The following ROCK2 variants were observed in gnomAD, a reference collection of about 807,000 sequenced individuals.
The protein encoded by ROCK2 is rho-associated protein kinase 2.
Under a neutral mutation model 195.1 loss-of-function variants are expected in ROCK2, and 61 were observed. That is an observed-to-expected ratio of 0.31 (90% CI 0.25 to 0.39). The LOEUF (loss-of-function observed/expected upper bound fraction) is 0.39. Among genes scored for constraint, ROCK2 ranks in the 10% least tolerant of loss-of-function variants. ROCK2 has a pLI of 1.00. For missense variants in ROCK2, 1,109 were observed against 1,637.4 expected, an observed-to-expected ratio of 0.68 and a Z score of 5.57; for synonymous variants, 504 against 545.5, an observed-to-expected ratio of 0.92 and a Z score of 1.06.
At chr2:11,335,942 C>T (rs1012486039) in intron 1 of ROCK2, among the ~76,000 whole-genome samples, 2 of 152,114 alleles carry the variant, frequency 1.3e-5, no homozygotes, top group South Asian at 4.1e-4. Context: ...CTATATAAAA[C>T]TCATACTATT....
At chr2:11,317,956 T>G (rs1668277662) in intron 1 of ROCK2, among the ~76,000 whole-genome samples, 1 of 152,118 alleles carries the variant, frequency 6.6e-6, no homozygotes. Flanking sequence ...CATCCTTTCT[T>G]ATGGCTGCAT....
intron 4 of ROCK2, among the ~76,000 whole-genome samples, chr2:11,236,774 AT>A (rs1458589261): frequency 1.3e-5 from 2 of 152,360 alleles, no homozygotes; most frequent in African/African-American, 4.8e-5. Flanking sequence ...AACCAACATC[AT>A]GAAATAGAGA....
intron 4 of ROCK2, among the ~76,000 whole-genome samples, chr2:11,245,891 T>C (rs1454527487): frequency 6.6e-6 from 1 of 152,194 alleles, no homozygotes; most frequent in Non-Finnish European, 1.5e-5. Context: ...GTCACCCTTA[T>C]TTTGAAAACT....
Position 11,208,466 on chromosome 2 carries a change from A to C in ROCK2, c.2204-19T>G. On this transcript the variant is annotated intron_variant, in intron 18 of 32. Transcript: ENST00000315872. ...TCCATTTCTAGTATAATAAAAATGG[A>C]CACAATCATAAATTTACAAATAAAA... is the stretch of plus-strand genomic sequence containing the variant. 1 of 1,389,184 alleles carries C rather than the reference A, an allele frequency of 7.2e-7. No individual in the cohort carries two copies. The highest frequency in any genetic ancestry group is 9.6e-7 in the Non-Finnish European group (1 of 1,041,054). 86.1% of individuals were successfully genotyped at this position (1,389,184 alleles called of 1,614,324 possible).
rs775396875 is a variant in ROCK2 at position 11,207,537 on chromosome 2, TA to T, written c.2549+188del. On this transcript the variant is annotated intron_variant, in intron 20 of 32. Coordinates refer to ENST00000315872, the MANE Select transcript of ROCK2 (RefSeq NM_004850.5). ...TCACATTGTAATTAGGTAGCAGCAG[TA>T]AAAACTGTTGGGGAAACGAATATAA... is the stretch of plus-strand genomic sequence containing the variant. 1.3e-4 allele frequency among the ~76,000 whole-genome samples: 20 copies of T among 152,172 alleles called. No homozygotes were observed. In the East Asian group the frequency reaches 2.1e-3, roughly 16 times the overall value.
chr2:11,215,314 C>T lies in ROCK2; in HGVS notation c.1689+7G>A. On this transcript the variant is annotated splice_region_variant and intron_variant, in intron 15 of 32. Transcript: ENST00000315872. ...CAGTATCTTTACTACAAATTAGATC[C>T]ACCTACTTGTCTCTGGAGTTGATTC... is the stretch of plus-strand genomic sequence containing the variant. 1 of 1,573,610 alleles carries T rather than the reference C, an allele frequency of 6.4e-7. No individual in the cohort carries two copies. Among genetic ancestry groups the T allele is most frequent in the Non-Finnish European group, 8.6e-7 (1 of 1,159,524 alleles).
At chr2:11,214,527 A>C in intron 16 of ROCK2, 64 bp from the exon 17 acceptor site, 1 of 975,450 alleles carries the variant, frequency 1.0e-6, no homozygotes, top group Admixed American at 2.4e-5. Context: ...AATTAGGAAT[A>C]AAAAGTTTGC....
intron 7 of ROCK2, 78 bp from the exon 8 acceptor site, chr2:11,222,252 A>G: frequency 1.3e-6 from 1 of 773,382 alleles, no homozygotes. Context: ...CAGTTTAACC[A>G]AAATAAAGAT....
At position 11,274,093 on chromosome 2, in the gene ROCK2, G is replaced by A. The variant is rs540687794; in HGVS notation, c.324+12446C>T. Among the ~76,000 whole-genome samples the A allele has an allele frequency of 1.1e-3, 166 of 151,104 alleles. 2 individuals carry two copies. The highest frequency in any genetic ancestry group is 2.8e-3 in the Admixed American group (43 of 15,194). ...AAAACAACACAACAAAAAACTTAAC[G>A]GAATACAGCAAAAGTAGTATATGGG... On this transcript the variant is annotated intron_variant, in intron 3 of 32. Coordinates refer to ENST00000315872, the MANE Select transcript of ROCK2 (RefSeq NM_004850.5).
Position 11,214,502 on chromosome 2 carries a change from A to G in ROCK2, c.1937-39T>C, listed in dbSNP as rs749728844. The G allele has an allele frequency of 1.4e-5, 16 of 1,152,682 alleles. No homozygotes were observed. The African/African-American group carries it at 2.0e-4, about 14-fold the overall frequency. The allele number at this position is 1,152,682 out of a possible 1,614,324, so 71.4% of individuals were successfully genotyped here. On this transcript the variant is annotated intron_variant, in intron 16 of 32. Coordinates refer to ENST00000315872, the MANE Select transcript of ROCK2 (RefSeq NM_004850.5). ...CGTTTTTTTAAAACATTAAACCCACAAAGTATATACATTCAATTAGGAATA... is the reference window on the plus strand; with the variant it reads ...CGTTTTTTTAAAACATTAAACCCACGAAGTATATACATTCAATTAGGAATA...
chr2:11,218,993 A>T lies in ROCK2; in HGVS notation c.1293T>A (p.Thr431=). The T allele has an allele frequency of 6.8e-7, 1 of 1,480,738 alleles. No individual in the cohort carries two copies. Among genetic ancestry groups the T allele is most frequent in the Admixed American group, 2.0e-5 (1 of 50,540 alleles). The allele number at this position is 1,480,738 out of a possible 1,614,324, so 91.7% of individuals were successfully genotyped here. ...LLSDSPSCRE[T]DSIQSRKNEE... is the part of the protein sequence containing the mutation. ...CATTTTTCCTTGATTGTATGGAATC[A>T]GTTTCTCTACAAGATGGAGAGTCAC... Residue 431 remains threonine (T), a synonymous_variant, in exon 10 of 33, where the codon ACT becomes ACA. Transcript: ENST00000315872.
intron 1 of ROCK2, among the ~76,000 whole-genome samples, chr2:11,331,035 AGGAGGAG>A (rs143741429): frequency 3.9e-4 from 39 of 100,044 alleles, no homozygotes; most frequent in East Asian, 1.6e-3. Context: ...AGGAGGAGGG[AGGAGGAG>A]GGAGGAGGAG....
intron 1 of ROCK2, among the ~76,000 whole-genome samples, chr2:11,319,214 T>C (rs1451954112): frequency 1.3e-5 from 2 of 152,236 alleles, no homozygotes; most frequent in African/African-American, 4.8e-5. Context: ...ATTTCCACAA[T>C]ATTGATTCTT....
intron 1 of ROCK2, among the ~76,000 whole-genome samples, chr2:11,329,560 TAG>T (rs1239822106): frequency 6.6e-6 from 1 of 152,122 alleles, no homozygotes; most frequent in African/African-American, 2.4e-5. Context: ...AATTTTGTAC[TAG>T]AGTTTCCTTT....
chr2:11,321,375 G>A (rs1179035564), intron 1 of ROCK2, among the ~76,000 whole-genome samples: 1 of 151,418 alleles, frequency 6.6e-6, no homozygotes, highest in Admixed American at 6.6e-5. Context: ...AGGGTTTTTT[G>A]CCATGTTAGC....
At chr2:11,186,418 G>C (rs1663201499) in intron 32 of ROCK2, among the ~76,000 whole-genome samples, 1 of 152,200 alleles carries the variant, frequency 6.6e-6, no homozygotes. Flanking sequence ...ATCGCTAGAT[G>C]CGACTGTAGT....
At chr2:11,277,809 C>T (rs545186874) in intron 3 of ROCK2, among the ~76,000 whole-genome samples, 22 of 152,258 alleles carry the variant, frequency 1.4e-4, no homozygotes, top group Middle Eastern at 3.4e-3. Flanking sequence ...GTATCTTTTT[C>T]GTATGACTTC....
intron 3 of ROCK2, among the ~76,000 whole-genome samples, chr2:11,265,666 T>C (rs1007602262): frequency 8.5e-5 from 13 of 152,212 alleles, no homozygotes; most frequent in African/African-American, 3.1e-4. Flanking sequence ...TTTTTCCACC[T>C]AATTCTAAGC....
At chr2:11,307,943 A>C (rs1667914174) in intron 1 of ROCK2, 5 of 1,434,958 alleles carry the variant, frequency 3.5e-6, no homozygotes, top group Middle Eastern at 2.6e-4. Flanking sequence ...TGTTAATGTC[A>C]GGGCCAGGCC....
Sources: gnomAD v4.1 joint callset for allele counts (sites outside exome capture counted in the v4.1 genomes callset) on GRCh38, gnomAD v4.1.1 for gene constraint, MANE v1.5 for transcripts, NCBI Gene and HGNC (gene_info 2026-07-23, HGNC 2026-07-21) for gene names.